The following MDM1 variants were observed in gnomAD, a reference collection of about 807,000 sequenced individuals.
MDM1 encodes Mdm1 nuclear protein.
In MDM1, 61 loss-of-function variants were observed where a neutral mutation model predicts 89.1. That is an observed-to-expected ratio of 0.68 (90% confidence interval 0.56 to 0.85). The LOEUF is 0.85. Among genes scored for constraint, MDM1 ranks in the 40% least tolerant of loss-of-function variants. The pLI is 0.00. For missense variants in MDM1, 820 were observed against 846.5 expected, an observed-to-expected ratio of 0.97 and a Z score of 0.39; for synonymous variants, 290 against 294.1, an observed-to-expected ratio of 0.99 and a Z score of 0.14.
In MDM1 at chr12:68,326,812, C is replaced by A; in HGVS notation, c.343G>T (p.Val115Phe). Reference protein sequence around the residue: ...ERVHSLEASRVPKRTRSHSAD... With the variant: ...ERVHSLEASRFPKRTRSHSAD... ...GAGTGAGATCTGGTTCTTTTGGGAA[C>A]CCTGGAAGCTTCTAGTGAGTGAACT... Residue 115 changes from valine (V) to phenylalanine (F), a missense_variant, in exon 3 of 15, where the codon GTT becomes TTT. By Grantham distance (50) the Val-to-Phe change is conservative. Transcript: ENST00000682720. The A allele has an allele frequency of 1.2e-6, 2 of 1,613,800 alleles. No individual in the cohort carries two copies. Among genetic ancestry groups the A allele is most frequent in the Non-Finnish European group, 1.7e-6 (2 of 1,179,820 alleles).
chr12:68,316,010 C>T (rs966329612), intron 9 of MDM1, 68 bp downstream of exon 9: 15 of 1,335,520 alleles, frequency 1.1e-5, no homozygotes, highest in Non-Finnish European at 1.4e-5. Flanking sequence ...AGGTCATTTT[C>T]CTATATCATT....
chr12:68,319,834 C>A lies in MDM1; in HGVS notation c.1005+1513G>T, dbSNP rs190270865. Among the ~76,000 whole-genome samples the A allele has an allele frequency of 4.0e-4, 61 of 152,292 alleles. No homozygotes were observed. In the East Asian group the frequency reaches 6.7e-3, roughly 17 times the overall value. On this transcript the variant is annotated intron_variant, in intron 7 of 14. Coordinates refer to ENST00000682720, the MANE Select transcript of MDM1 (RefSeq NM_001354969.2). Reference sequence around the variant, plus strand: ...TAATAGGAAACCTTGAAAAGTCTATCTTAAATTGACAACAACAATGTTCTC... The same window carrying A: ...TAATAGGAAACCTTGAAAAGTCTATATTAAATTGACAACAACAATGTTCTC...
intron 12 of MDM1, among the ~76,000 whole-genome samples, chr12:68,309,486 C>T (rs551957228): frequency 4.3e-4 from 66 of 152,246 alleles, no homozygotes; most frequent in African/African-American, 1.5e-3. Flanking sequence ...TAACATGTAT[C>T]TCCCTTACCA....
chr12:68,324,459 T>C (rs1875670973), intron 4 of MDM1, among the ~76,000 whole-genome samples: 1 of 152,138 alleles, frequency 6.6e-6, no homozygotes, highest in Non-Finnish European at 1.5e-5. Context: ...GTTATATAAA[T>C]TTCAAAGGTA....
chr12:68,311,950 T>C (rs1431470168), intron 12 of MDM1, among the ~76,000 whole-genome samples: 2 of 152,172 alleles, frequency 1.3e-5, no homozygotes, highest in Non-Finnish European at 2.9e-5. Context: ...CTTACTCACC[T>C]ATCTGTAGCA....
chr12:68,331,177 A>G lies in MDM1; in HGVS notation c.63T>C (p.Tyr21=), dbSNP rs370595506. 21 of 1,611,790 alleles carry G rather than the reference A, an allele frequency of 1.3e-5. No homozygotes were observed. The highest frequency in any genetic ancestry group is 2.2e-5 in the East Asian group (1 of 44,880). Residue 21 remains tyrosine, a synonymous_variant, in exon 2 of 15, where the codon TAT becomes TAC. Transcript: ENST00000682720. The part of the protein sequence containing the change: ...YQRNFLWKKS[Y]LSESCNSSVG... Reference sequence around the variant, plus strand: ...CGGAGGAATTACAAGACTCGGACAAATAAGACTTTTTCCACAGGAAGTTCC... The same window carrying G: ...CGGAGGAATTACAAGACTCGGACAAGTAAGACTTTTTCCACAGGAAGTTCC...
chr12:68,303,832 G>C (rs1193150354), intron 12 of MDM1, among the ~76,000 whole-genome samples: 1 of 152,174 alleles, frequency 6.6e-6, no homozygotes, highest in East Asian at 1.9e-4. Context: ...GGATGTCCCT[G>C]AACAGTACAT....
Position 68,296,996 on chromosome 12 carries a change from A to AG in MDM1, c.2003-15dup. The AG allele has an allele frequency of 6.4e-7, 1 of 1,569,232 alleles. No homozygotes were observed. The highest frequency in any genetic ancestry group is 2.3e-5 in the East Asian group (1 of 44,102). On this transcript the variant is annotated splice_polypyrimidine_tract_variant and intron_variant, in intron 13 of 14. Coordinates refer to ENST00000682720, the MANE Select transcript of MDM1 (RefSeq NM_001354969.2). ...TTGCTTTTCCCACTTAAAAAAAAAA[A>AG]GGCAGAATAAATTATCCTTCAAAAG...
At chr12:68,305,253 G>A (rs1438735034) in intron 12 of MDM1, among the ~76,000 whole-genome samples, 1 of 152,094 alleles carries the variant, frequency 6.6e-6, no homozygotes, top group African/African-American at 2.4e-5. Flanking sequence ...ACTAGGCAAT[G>A]AAGGAACATA....
chr12:68,327,624 G>T, intron 2 of MDM1: 1 of 1,017,052 alleles, frequency 9.8e-7, no homozygotes, highest in Non-Finnish European at 1.5e-6. Flanking sequence ...GGTAAGAGCA[G>T]CTCTGCAGAA....
chr12:68,307,915 G>T lies in MDM1; in HGVS notation c.1750-5043C>A, dbSNP rs1347986011. Among the ~76,000 whole-genome samples the T allele has an allele frequency of 8.9e-5, 13 of 145,482 alleles. No homozygotes were observed. In the East Asian group the frequency reaches 2.4e-3, roughly 27 times the overall value. ...ATCGCACCACTATACTCCAGCCTGG[G>T]CAACAGAGCAAGACCCTGTCTCAAA... On this transcript the variant is annotated intron_variant, in intron 12 of 14. Transcript: ENST00000682720.
At chr12:68,316,388 G>C in intron 8 of MDM1, 135 bp from the exon 9 acceptor site, 2 of 1,028,930 alleles carry the variant, frequency 1.9e-6, no homozygotes, top group South Asian at 3.3e-5. Flanking sequence ...GCCACATACA[G>C]TCATCAGACT....
In MDM1 at chr12:68,313,688, C is replaced by T. The variant is rs1291322900; in HGVS notation, c.1595G>A (p.Gly532Asp). The change falls in exon 11 of 15, where the codon GGT (glycine) becomes GAT (aspartate). Residue 532 changes from glycine to aspartate, a missense_variant. Coordinates refer to ENST00000682720, the MANE Select transcript of MDM1 (RefSeq NM_001354969.2). ...ATCATGATGAGTCCTCTGGATTCCA[C>T]CAAGTTCTCTCAGCTTGGGAGTAGG... ...RLPTPKLREL[G>D]GIQRTHHDLT... 6.8e-6 allele frequency: 11 copies of T among 1,614,068 alleles called. No individual in the cohort carries two copies. The highest frequency in any genetic ancestry group is 6.8e-6 in the Non-Finnish European group (8 of 1,180,040).
Position 68,321,513 on chromosome 12 carries a change from T to A in MDM1, c.905+12A>T. ...TCATTGAAATACCATATTTTCCTAT[T>A]AAAATACATACCCAAGCCTTTGATG... On this transcript the variant is annotated intron_variant, in intron 6 of 14. Transcript: ENST00000682720. 6.2e-7 allele frequency: 1 copy of A among 1,610,482 alleles called. No homozygotes were observed. The highest frequency in any genetic ancestry group is 8.5e-7 in the Non-Finnish European group (1 of 1,177,498).
chr12:68,316,459 G>T, intron 8 of MDM1, 122 bp downstream of exon 8: 1 of 975,302 alleles, frequency 1.0e-6, no homozygotes, highest in Non-Finnish European at 1.5e-6. Context: ...TTTTATTTCA[G>T]ACCAGCAGGC....
intron 12 of MDM1, among the ~76,000 whole-genome samples, chr12:68,305,606 C>T (rs1431963214): frequency 2.0e-5 from 3 of 151,946 alleles, no homozygotes; most frequent in Admixed American, 6.6e-5. Flanking sequence ...TTCTACAAAC[C>T]AATAATTCAA....
rs574679438 is a variant in MDM1 at position 68,315,270 on chromosome 12, G to A, written c.1212-5C>T. On this transcript the variant is annotated splice_polypyrimidine_tract_variant and splice_region_variant and intron_variant, in intron 9 of 14. Coordinates refer to ENST00000682720, the MANE Select transcript of MDM1 (RefSeq NM_001354969.2). ...GTCTTATGGCTTGTAGGATCTCTGC[G>A]TAACAAAATCAATTTTATTTTAAAT... 66 of 1,596,808 alleles carry A rather than the reference G, an allele frequency of 4.1e-5. No homozygotes were observed. Among genetic ancestry groups the A allele is most frequent in the Middle Eastern group, 1.7e-4 (1 of 5,946 alleles).
At chr12:68,297,062 T>C in intron 13 of MDM1, 80 bp from the exon 14 acceptor site, 1 of 943,100 alleles carries the variant, frequency 1.1e-6, no homozygotes, top group Non-Finnish European at 1.5e-6. Flanking sequence ...AAACTGTTAG[T>C]AAAAGTAGGC....
rs550680691 is a variant in MDM1, at chr12:68,318,567, G to T, written c.1006-1957C>A. Among the ~76,000 whole-genome samples the T allele has an allele frequency of 3.3e-5, 5 of 151,874 alleles. No individual in the cohort carries two copies. In the South Asian group the frequency reaches 1.0e-3, roughly 32 times the overall value. On this transcript the variant is annotated intron_variant, in intron 7 of 14. Coordinates refer to ENST00000682720, the MANE Select transcript of MDM1 (RefSeq NM_001354969.2). Reference sequence around the variant, plus strand: ...ACAAATATGATTTTAAATATCTTTAGCCCTAAACTAAGATGAAAAATTAAA... The same window carrying T: ...ACAAATATGATTTTAAATATCTTTATCCCTAAACTAAGATGAAAAATTAAA...
Sources: gnomAD v4.1 joint callset for allele counts (sites outside exome capture counted in the v4.1 genomes callset) on GRCh38, gnomAD v4.1.1 for gene constraint, MANE v1.5 for transcripts, NCBI Gene and HGNC (gene_info 2026-07-23, HGNC 2026-07-21) for gene names.